The following SF3B1 variants were observed in gnomAD, a reference collection of about 807,000 sequenced individuals.
The protein encoded by SF3B1 is pre-mRNA processing 10.
Under a neutral mutation model 153.8 loss-of-function variants are expected in SF3B1, and 12 were observed. The ratio of observed to expected loss-of-function variants is 0.08; its 90% confidence interval spans 0.05 to 0.13. SF3B1 has a LOEUF of 0.13. Ranked by LOEUF, SF3B1 falls within the 10% of genes least tolerant of loss-of-function variation. SF3B1 has a pLI of 1.00. For missense variants in SF3B1, 513 were observed against 1,606.1 expected, an observed-to-expected ratio of 0.32 and a Z score of 11.63; for synonymous variants, 498 against 525.2, an observed-to-expected ratio of 0.95 and a Z score of 0.71.
chr2:197,411,569 G>C (rs568252998), intron 6 of SF3B1, among the ~76,000 whole-genome samples: 1 of 152,120 alleles, frequency 6.6e-6, no homozygotes, highest in South Asian at 2.1e-4. Flanking sequence ...CTACTCGGGA[G>C]GCTGAGGCAG....
At position 197,397,894 on chromosome 2, in the gene SF3B1, CAA is replaced by C. The variant is rs200779295; in HGVS notation, c.3266+89_3266+90del. 824 of 960,472 alleles carry C rather than the reference CAA, an allele frequency of 8.6e-4. 4 individuals are homozygous for C. The African/African-American group carries it at 0.012, about 14-fold the overall frequency. 59.5% of individuals were successfully genotyped at this position (960,472 alleles called of 1,614,324 possible). A position where few individuals can be genotyped will look rare whatever the true frequency, so the allele number is the denominator to read the frequency against. On this transcript the variant is annotated intron_variant, in intron 22 of 24. Coordinates refer to ENST00000335508, the MANE Select transcript of SF3B1 (RefSeq NM_012433.4). ...CAACTGCATTATTCAGACCATGCCT[CAA>C]AAGAGATTTCTACATGGAAGTATTT... is the stretch of plus-strand genomic sequence containing the variant.
chr2:197,395,664 C>G (rs762738285), intron 23 of SF3B1, among the ~76,000 whole-genome samples: 75 of 152,200 alleles, frequency 4.9e-4, no homozygotes, highest in Non-Finnish European at 9.1e-4. Context: ...AATTCAAAGG[C>G]TTAAGAGAAA....
At chr2:197,430,125 A>T (rs1383787417) in intron 1 of SF3B1, among the ~76,000 whole-genome samples, 1 of 152,240 alleles carries the variant, frequency 6.6e-6, no homozygotes, top group Non-Finnish European at 1.5e-5. Flanking sequence ...GATATAAGAG[A>T]AACCAACCAA....
chr2:197,432,074 T>C (rs976731025), intron 1 of SF3B1, among the ~76,000 whole-genome samples: 1 of 152,114 alleles, frequency 6.6e-6, no homozygotes, highest in African/African-American at 2.4e-5. Flanking sequence ...AAGTGAGCTA[T>C]GATCACGCCA....
intron 4 of SF3B1, 23 bp from the exon 5 acceptor site, chr2:197,418,611 GAA>G (rs753210212): frequency 1.3e-6 from 2 of 1,599,958 alleles, no homozygotes; most frequent in African/African-American, 1.3e-5. Context: ...ACAGCAACAG[GAA>G]AAAGAGTACA....
chr2:197,418,792 G>C, intron 4 of SF3B1: 4 of 1,482,882 alleles, frequency 2.7e-6, no homozygotes, highest in Non-Finnish European at 3.6e-6. Context: ...AACATCTACA[G>C]CAGTTTAAAA....
intron 23 of SF3B1, among the ~76,000 whole-genome samples, chr2:197,393,905 C>T (rs751663020): frequency 5.3e-5 from 8 of 151,942 alleles, no homozygotes; most frequent in South Asian, 2.1e-4. Flanking sequence ...TTTTTCAGGC[C>T]GGACATGGTG....
chr2:197,418,349 G>A (rs2085188744), intron 5 of SF3B1, among the ~76,000 whole-genome samples, 160 bp downstream of exon 5: 1 of 150,246 alleles, frequency 6.7e-6, no homozygotes, highest in Non-Finnish European at 1.5e-5. Flanking sequence ...AGTTTTACTT[G>A]GAAGGTGGTA....
intron 1 of SF3B1, among the ~76,000 whole-genome samples, chr2:197,426,602 C>G (rs2106019539): frequency 6.6e-6 from 1 of 152,298 alleles, no homozygotes; most frequent in Admixed American, 6.5e-5. Flanking sequence ...GCAATCTCCT[C>G]TACAGCATTA....
intron 20 of SF3B1, chr2:197,399,056 A>C: frequency 7.7e-7 from 1 of 1,300,060 alleles, no homozygotes; most frequent in Non-Finnish European, 1.0e-6. Context: ...GAGAGAAAAA[A>C]GGAGGCAGCT....
chr2:197,412,107 C>CAA (rs397987243), intron 6 of SF3B1, among the ~76,000 whole-genome samples: 26 of 81,664 alleles, frequency 3.2e-4, no homozygotes, highest in Admixed American at 1.0e-3. Context: ...GACTCTGTCT[C>CAA]AAAAAAAAAA....
intron 23 of SF3B1, chr2:197,393,453 A>G (rs2084837107): frequency 2.2e-6 from 1 of 445,042 alleles, no homozygotes; most frequent in African/African-American, 2.0e-5. Flanking sequence ...TTTTCTAATT[A>G]ACTTTTTTTT....
chr2:197,402,519 GAA>G lies in SF3B1; in HGVS notation c.2077+35_2077+36del, dbSNP rs752109835. 3.7e-4 allele frequency: 472 copies of G among 1,276,608 alleles called. No individual in the cohort carries two copies. The highest frequency in any genetic ancestry group is 7.3e-4 in the Middle Eastern group (3 of 4,122). The allele number at this position is 1,276,608 out of a possible 1,614,324, so 79.1% of individuals were successfully genotyped here. A position where few individuals can be genotyped will look rare whatever the true frequency, so the allele number is the denominator to read the frequency against. On this transcript the variant is annotated intron_variant, in intron 14 of 24. Transcript: ENST00000335508. The surrounding 1 kb of genome is among the most constrained non-coding windows in gnomAD (Gnocchi z 4.6). ...ACATAGTAAGACCCTGTCTCCTAAA[GAA>G]AAAAAAAAAAAGACAAAGTTACATT... is the stretch of plus-strand genomic sequence containing the variant.
At chr2:197,393,606 C>T (rs2084839630) in intron 23 of SF3B1, among the ~76,000 whole-genome samples, 6 of 152,022 alleles carry the variant, frequency 3.9e-5, no homozygotes, top group Admixed American at 3.9e-4. Flanking sequence ...GTGTGTGCCA[C>T]CACGCCTGCC....
intron 6 of SF3B1, among the ~76,000 whole-genome samples, chr2:197,410,257 T>A (rs1160244819): frequency 1.3e-5 from 2 of 152,118 alleles, no homozygotes; most frequent in Admixed American, 1.3e-4. Flanking sequence ...CAAAATATTA[T>A]CGATATGAAT....
In SF3B1 at chr2:197,392,128, T is replaced by C. The variant is rs2084815697; in HGVS notation, c.*175A>G. 2 of 444,018 alleles carry C rather than the reference T, an allele frequency of 4.5e-6. No homozygotes were observed. Among genetic ancestry groups the C allele is most frequent in the Non-Finnish European group, 8.0e-6 (2 of 251,044 alleles). The allele number at this position is 444,018 out of a possible 1,614,324, so 27.5% of individuals were successfully genotyped here. ...GTTCTTGGTCACTACTGGCATTTACTGTTTAACATCAAAAACAAAGACAGG... is the reference window on the plus strand; with the variant it reads ...GTTCTTGGTCACTACTGGCATTTACCGTTTAACATCAAAAACAAAGACAGG... On this transcript the variant is annotated 3_prime_UTR_variant, in exon 25 of 25. Transcript: ENST00000335508.
At position 197,435,005 on chromosome 2, in the gene SF3B1, C is replaced by T. The variant is rs1422294437; in HGVS notation, c.-6G>A. The T allele has an allele frequency of 2.5e-6, 4 of 1,614,264 alleles. No homozygotes were observed. Among genetic ancestry groups the T allele is most frequent in the Non-Finnish European group, 3.4e-6 (4 of 1,180,036 alleles). ...GTCTTGGCGATCTTCGCCATTTTGT[C>T]CACTCGAACACACAGACGGAACTGG... On this transcript the variant is annotated 5_prime_UTR_variant, in exon 1 of 25. Transcript: ENST00000335508.
intron 6 of SF3B1, among the ~76,000 whole-genome samples, chr2:197,415,695 CTT>C (rs1327424103): frequency 6.6e-6 from 1 of 152,208 alleles, no homozygotes; most frequent in Non-Finnish European, 1.5e-5. Context: ...TTATGCAGCA[CTT>C]ATATCTTTTA....
At chr2:197,431,041 A>G (rs1457244945) in intron 1 of SF3B1, among the ~76,000 whole-genome samples, 1 of 151,902 alleles carries the variant, frequency 6.6e-6, no homozygotes, top group Non-Finnish European at 1.5e-5. Flanking sequence ...CACATCTGAT[A>G]AAACTATTTA....
Sources: gnomAD v4.1 joint callset for allele counts (sites outside exome capture counted in the v4.1 genomes callset) on GRCh38, gnomAD v4.1.1 for gene constraint, Gnocchi (gnomAD v3.1) non-coding constraint, MANE v1.5 for transcripts, NCBI Gene and HGNC (gene_info 2026-07-23, HGNC 2026-07-21) for gene names.